The following AP3S1 variants were observed in gnomAD, a reference collection of about 807,000 sequenced individuals.
AP3S1 encodes AP-3 complex subunit sigma-1.
AP3S1 carries 12 observed loss-of-function variants against 21.3 expected under a neutral mutation model. The observed-to-expected ratio is 0.56, with a 90% CI of 0.36 to 0.91. AP3S1 has a LOEUF of 0.91. Ranked by LOEUF, AP3S1 falls within the 40% of genes least tolerant of loss-of-function variation. The probability of loss-of-function intolerance (pLI) is 0.01; values close to 1 mark genes in which losing one functional copy is unlikely to be tolerated. For synonymous variants in AP3S1, 48 were observed against 78.4 expected (o/e 0.61, Z 2.05); for missense variants, 116 against 225.0 (o/e 0.52, Z 3.10).
chr5:115,907,009 C>T (rs1751705569), intron 5 of AP3S1: 1 of 1,239,384 alleles, frequency 8.1e-7, no homozygotes. Flanking sequence ...CTAGTTTCTC[C>T]TTGTAGTTTC....
At chr5:115,875,945 T>G (rs1748675011) in intron 3 of AP3S1, among the ~76,000 whole-genome samples, 1 of 152,194 alleles carries the variant, frequency 6.6e-6, no homozygotes, top group African/African-American at 2.4e-5. Flanking sequence ...GTTATTTACA[T>G]TGCTATTTGT....
At chr5:115,892,024 A>T (rs1750351525) in intron 3 of AP3S1, among the ~76,000 whole-genome samples, 1 of 152,358 alleles carries the variant, frequency 6.6e-6, no homozygotes, top group Middle Eastern at 3.4e-3. Context: ...ACATTTCTCA[A>T]AAGAAGACAT....
At chr5:115,901,545 AATG>A (rs2112567049) in intron 4 of AP3S1, among the ~76,000 whole-genome samples, 1 of 151,816 alleles carries the variant, frequency 6.6e-6, no homozygotes, top group South Asian at 2.1e-4. Flanking sequence ...AATAGTAAAT[AATG>A]ATGACTTTTT....
intron 1 of AP3S1, 34 bp downstream of exon 1, chr5:115,842,140 G>A (rs1347245255): frequency 2.6e-6 from 4 of 1,526,780 alleles, no homozygotes; most frequent in African/African-American, 1.4e-5. Flanking sequence ...CCGGGCGAGG[G>A]GGAGTCGTTG....
intron 1 of AP3S1, among the ~76,000 whole-genome samples, chr5:115,858,885 T>C (rs2431439): frequency 0.14 from 21,601 of 150,714 alleles, 1,830 homozygotes; most frequent in East Asian, 0.24. Context: ...GTTTGTTTCC[T>C]CTGAGTTGCT....
intron 3 of AP3S1, among the ~76,000 whole-genome samples, chr5:115,893,532 C>G (rs1009101667): frequency 4.6e-5 from 7 of 152,200 alleles, no homozygotes; most frequent in Non-Finnish European, 1.0e-4. Context: ...GGATTTTCAA[C>G]TGCCTGGAAG....
chr5:115,862,900 T>G (rs1763307089), intron 1 of AP3S1, among the ~76,000 whole-genome samples: 1 of 152,206 alleles, frequency 6.6e-6, no homozygotes, highest in Admixed American at 6.5e-5. Flanking sequence ...GTTATGTACC[T>G]TAGATAGAGG....
intron 3 of AP3S1, among the ~76,000 whole-genome samples, chr5:115,876,562 A>G (rs75490895): frequency 6.6e-6 from 1 of 152,292 alleles, no homozygotes; most frequent in East Asian, 1.9e-4. Context: ...TTGATACACT[A>G]CTATATAATC....
intron 4 of AP3S1, among the ~76,000 whole-genome samples, chr5:115,896,943 T>C (rs1343819016): frequency 6.6e-6 from 1 of 152,014 alleles, no homozygotes; most frequent in Non-Finnish European, 1.5e-5. Context: ...AGTAAGGTTC[T>C]TATATTTTTT....
intron 3 of AP3S1, among the ~76,000 whole-genome samples, chr5:115,888,849 G>T (rs989646022): frequency 5.9e-5 from 9 of 152,072 alleles, no homozygotes; most frequent in African/African-American, 2.2e-4. Context: ...TTTATTAAAT[G>T]GGTCTTCGGA....
chr5:115,907,400 T>C (rs746908709), intron 5 of AP3S1, among the ~76,000 whole-genome samples: 1 of 152,198 alleles, frequency 6.6e-6, no homozygotes, highest in Non-Finnish European at 1.5e-5. Flanking sequence ...TGTTAAATAG[T>C]ACTTTTTCCC....
chr5:115,864,918 T>G (rs905607171), intron 1 of AP3S1, among the ~76,000 whole-genome samples: 1 of 152,172 alleles, frequency 6.6e-6, no homozygotes, highest in Non-Finnish European at 1.5e-5. Context: ...TCAAGACTGC[T>G]TTGACTTCTT....
chr5:115,875,551 G>C (rs1404601889), intron 3 of AP3S1, among the ~76,000 whole-genome samples: 1 of 152,146 alleles, frequency 6.6e-6, no homozygotes, highest in African/African-American at 2.4e-5. Context: ...TCCAGCACTT[G>C]GAAATTGTGG....
At chr5:115,873,592 A>G (rs1748460796) in intron 3 of AP3S1, among the ~76,000 whole-genome samples, 1 of 152,168 alleles carries the variant, frequency 6.6e-6, no homozygotes, top group South Asian at 2.1e-4. Context: ...ACAGTTCATT[A>G]AATACTGAAG....
chr5:115,848,009 A>T (rs1762181482), intron 1 of AP3S1, among the ~76,000 whole-genome samples: 1 of 152,220 alleles, frequency 6.6e-6, no homozygotes, highest in Non-Finnish European at 1.5e-5. Context: ...CCTTTTGAAT[A>T]TTTAATTGTA....
chr5:115,859,298 T>C (rs943514927), intron 1 of AP3S1, among the ~76,000 whole-genome samples: 1 of 152,234 alleles, frequency 6.6e-6, no homozygotes, highest in Middle Eastern at 3.2e-3. Flanking sequence ...TTGGTGTTCT[T>C]GGTCAACTAG....
chr5:115,889,776 G>C (rs1750123275), intron 3 of AP3S1, among the ~76,000 whole-genome samples: 1 of 151,936 alleles, frequency 6.6e-6, no homozygotes, highest in Admixed American at 6.6e-5. Flanking sequence ...AGGAGTTTGA[G>C]ACCAGCCTGG....
intron 1 of AP3S1, among the ~76,000 whole-genome samples, chr5:115,844,588 T>G (rs1328036082): frequency 1.3e-5 from 2 of 152,184 alleles, no homozygotes; most frequent in African/African-American, 4.8e-5. Context: ...AACTTGTACA[T>G]AGCAGGAGCA....
chr5:115,908,040 G>A (rs72802728), intron 5 of AP3S1, among the ~76,000 whole-genome samples: 10 of 152,210 alleles, frequency 6.6e-5, no homozygotes, highest in Non-Finnish European at 1.5e-4. Flanking sequence ...ACAAAGCATT[G>A]CCTTTTAGCC....
Sources: allele counts gnomAD v4.1 joint callset (sites outside exome capture counted in the v4.1 genomes callset), GRCh38; gene constraint gnomAD v4.1.1; transcripts MANE v1.5; gene names NCBI Gene and HGNC (gene_info 2026-07-23, HGNC 2026-07-21).